CELF2: variants seen among roughly 807,000 people sequenced by gnomAD.
The protein encoded by CELF2 is CUG triplet repeat RNA-binding protein 2.
A neutral mutation model predicts 62.6 loss-of-function variants in CELF2; 8 were observed. That is an observed-to-expected ratio of 0.13 (90% CI 0.07 to 0.23). CELF2 has a LOEUF of 0.23. Ranked by LOEUF, CELF2 falls within the 10% of genes least tolerant of loss-of-function variation. The pLI, the probability that CELF2 is intolerant of heterozygous loss-of-function variation, is 1.00. For missense variants in CELF2, 333 were observed against 671.0 expected, an observed-to-expected ratio of 0.50 and a Z score of 5.56; for synonymous variants, 258 against 250.0, an observed-to-expected ratio of 1.03 and a Z score of -0.30.
At chr10:10,593,146 G>A in the CELF2 span, among the ~76,000 whole-genome samples, 1 of 152,172 alleles carries the variant, frequency 6.6e-6, no homozygotes, top group Non-Finnish European at 1.5e-5. Context: ...AAGGAGTGGA[G>A]AGACATGATG....
At chr10:11,019,493 A>C (rs1051576702) in intron 1 of CELF2, among the ~76,000 whole-genome samples, 4 of 152,116 alleles carry the variant, frequency 2.6e-5, no homozygotes, top group African/African-American at 9.7e-5. Flanking sequence ...TTCCCCTGCC[A>C]TGCTAGATTC....
chr10:11,288,883 T>C (rs2139661335), intron 9 of CELF2, among the ~76,000 whole-genome samples: 1 of 152,332 alleles, frequency 6.6e-6, no homozygotes, highest in South Asian at 2.1e-4. Context: ...TCTTAGTCTT[T>C]CTTTGTCCTG....
At chr10:10,959,403 A>G (rs552558303) in intron 2 of CELF2, among the ~76,000 whole-genome samples, 25 of 152,344 alleles carry the variant, frequency 1.6e-4, no homozygotes, top group African/African-American at 5.8e-4. Flanking sequence ...GTTTCTATAT[A>G]TGGTGTACTC....
the CELF2 span, among the ~76,000 whole-genome samples, chr10:10,543,680 C>T: frequency 6.6e-6 from 1 of 151,994 alleles, no homozygotes; most frequent in Non-Finnish European, 1.5e-5. Context: ...AACCTCATCT[C>T]TTCTAAAAAT....
At position 11,269,142 on chromosome 10, in the gene CELF2, A is replaced by G. The variant is rs562086909; in HGVS notation, c.619-1524A>G. 6.6e-6 allele frequency among the ~76,000 whole-genome samples: 1 copy of G among 152,350 alleles called. No individual in the cohort carries two copies. The highest frequency in any genetic ancestry group is 2.4e-5 in the African/African-American group (1 of 41,590). ...CCCCTCTCTACATAATCTTCAAAGT[A>G]TGTTGCTCTCTTTTAAGTGAAGTAC... is the stretch of plus-strand genomic sequence containing the variant. On this transcript the variant is annotated intron_variant, in intron 6 of 12. Transcript: ENST00000633077. This position sits in a 1 kb window ranked among gnomAD's most constrained non-coding sequence, Gnocchi z 4.4.
rs900707187 is a variant in CELF2, at chr10:10,854,294, G to A, written c.53+55477G>A. Among the ~76,000 whole-genome samples the A allele has an allele frequency of 2.6e-5, 4 of 152,172 alleles. No individual in the cohort carries two copies. In the East Asian group the frequency reaches 7.7e-4, roughly 29 times the overall value. ...ACAATTTGGGGGAAGGGTGCTTATT[G>A]CAGTTGTGGTCAGCCCCAAGCTGTG... On this transcript the variant is annotated intron_variant, in intron 1 of 13. Transcript: ENST00000636488.
At chr10:10,693,423 T>G in the CELF2 span, among the ~76,000 whole-genome samples, 7 of 150,368 alleles carry the variant, frequency 4.7e-5, no homozygotes, top group African/African-American at 1.7e-4. Context: ...AGTATTTTAT[T>G]GAGGATTTTT....
At chr10:10,587,672 C>T in the CELF2 span, among the ~76,000 whole-genome samples, 2 of 152,190 alleles carry the variant, frequency 1.3e-5, no homozygotes, top group African/African-American at 4.8e-5. Flanking sequence ...CAAGACAAGT[C>T]CTAGGAGCAG....
chr10:11,181,580 A>G (rs2073390230), intron 2 of CELF2, among the ~76,000 whole-genome samples: 1 of 152,216 alleles, frequency 6.6e-6, no homozygotes. Flanking sequence ...CATTGCATCC[A>G]TAATGGCTCT....
the CELF2 span, among the ~76,000 whole-genome samples, chr10:10,583,532 C>T: frequency 3.2e-3 from 486 of 152,246 alleles, 1 homozygote; most frequent in Non-Finnish European, 5.4e-3. Context: ...GAAGTTGCTG[C>T]CTGTATTTTG....
the CELF2 span, among the ~76,000 whole-genome samples, chr10:10,481,087 A>G: frequency 6.6e-6 from 1 of 152,166 alleles, no homozygotes; most frequent in Non-Finnish European, 1.5e-5. Flanking sequence ...GATCTTGCTC[A>G]GTGTTAGTAC....
the CELF2 span, among the ~76,000 whole-genome samples, chr10:10,482,694 C>A: frequency 1.3e-5 from 2 of 152,166 alleles, no homozygotes; most frequent in African/African-American, 4.8e-5. Context: ...ACTGCCCCTC[C>A]CAGAGCTAAT....
intron 1 of CELF2, among the ~76,000 whole-genome samples, chr10:11,058,954 A>AT (rs149409255): frequency 0.047 from 7,139 of 151,940 alleles, 238 homozygotes; most frequent in African/African-American, 0.098. Flanking sequence ...CTAATTTTTA[A>AT]TTTTTTTGTT....
the CELF2 span, among the ~76,000 whole-genome samples, chr10:10,556,296 T>G: frequency 2.6e-5 from 4 of 152,006 alleles, no homozygotes; most frequent in African/African-American, 9.7e-5. Context: ...GGTTTTTTGT[T>G]CTTGTGATAG....
the CELF2 span, among the ~76,000 whole-genome samples, chr10:10,473,522 G>GT: frequency 6.6e-6 from 1 of 151,986 alleles, no homozygotes; most frequent in African/African-American, 2.4e-5. Flanking sequence ...CCCTTAGCAA[G>GT]TTTTTTGTAA....
rs1242895160 is a variant in CELF2, at chr10:11,220,103, C to T, written c.354+2596C>T. Among the ~76,000 whole-genome samples the T allele has an allele frequency of 6.6e-6, 1 of 152,220 alleles. No individual in the cohort carries two copies. Among genetic ancestry groups the T allele is most frequent in the African/African-American group, 2.4e-5 (1 of 41,450 alleles). On this transcript the variant is annotated intron_variant, in intron 3 of 12. Transcript: ENST00000633077. This position sits in a 1 kb window ranked among gnomAD's most constrained non-coding sequence, Gnocchi z 4.4. ...AAAGTGATAAAGAAAAAATACATCA[C>T]CAGCTGACACTTTAAAGCTTTTCTG... is the stretch of plus-strand genomic sequence containing the variant.
the CELF2 span, among the ~76,000 whole-genome samples, chr10:10,471,649 A>G: frequency 1.3e-5 from 2 of 151,786 alleles, no homozygotes; most frequent in African/African-American, 4.8e-5. Flanking sequence ...TGTATCTACA[A>G]TATAAACACA....
the CELF2 span, among the ~76,000 whole-genome samples, chr10:10,670,275 A>G: frequency 6.6e-5 from 10 of 152,248 alleles, no homozygotes; most frequent in African/African-American, 2.4e-4. Flanking sequence ...TTCAGCCCCA[A>G]TCTGAGTTTC....
intron 2 of CELF2, among the ~76,000 whole-genome samples, chr10:11,206,416 C>T (rs2060446080): frequency 6.6e-6 from 1 of 152,212 alleles, no homozygotes. Context: ...TAGAAACTTT[C>T]TTCTAATGAG....
Sources: allele counts gnomAD v4.1 joint callset (sites outside exome capture counted in the v4.1 genomes callset), GRCh38; gene constraint gnomAD v4.1.1; non-coding constraint Gnocchi (gnomAD v3.1); transcripts MANE v1.5; gene names NCBI Gene and HGNC (gene_info 2026-07-23, HGNC 2026-07-21).